Variants in IP6K2 observed in about 807,000 individuals in gnomAD.
The protein encoded by IP6K2 is ATP:1D-myo-inositol-hexakisphosphate phosphotransferase.
In IP6K2, 9 loss-of-function variants were observed where a neutral mutation model predicts 43.3. That is an observed-to-expected ratio of 0.21 (90% CI 0.13 to 0.36). The LOEUF (loss-of-function observed/expected upper bound fraction) is 0.36. IP6K2 is among the 10% of genes least tolerant of loss of function. The probability of loss-of-function intolerance (pLI) is 1.00; values close to 1 mark genes in which losing one functional copy is unlikely to be tolerated. For missense variants in IP6K2, 332 were observed against 538.4 expected (o/e 0.62, Z 3.79); for synonymous variants, 209 against 202.4 (o/e 1.03, Z -0.28).
chr3:48,704,866 A>G lies in IP6K2; in HGVS notation c.-130-9445T>C, dbSNP rs373410288. On this transcript the variant is annotated intron_variant, in intron 1 of 5. Transcript: ENST00000328631. ...CACCTCACGGCAACCTCTGCCTCCCAGGTTCAAGTGATTCTCATGCCTCAG... is the reference window on the plus strand; with the variant it reads ...CACCTCACGGCAACCTCTGCCTCCCGGGTTCAAGTGATTCTCATGCCTCAG... Among the ~76,000 whole-genome samples the G allele has an allele frequency of 1.3e-3, 200 of 151,700 alleles. 5 individuals are homozygous for G. The East Asian group carries it at 0.032, about 24-fold the overall frequency.
At chr3:48,694,691 T>G in intron 2 of IP6K2, 1 of 1,505,166 alleles carries the variant, frequency 6.6e-7, no homozygotes. Context: ...CTCCCCGGCC[T>G]ACCTAATTAC....
At chr3:48,714,847 C>CCAAA (rs2081015417) in intron 1 of IP6K2, among the ~76,000 whole-genome samples, 1 of 100,060 alleles carries the variant, frequency 1.0e-5, no homozygotes. Flanking sequence ...GACTCCGTCT[C>CCAAA]AAAAAAAAAA....
chr3:48,709,650 A>G lies in IP6K2; in HGVS notation c.-131+7507T>C, dbSNP rs541840956. ...TCAGGAGATCGAGACCATCCTGGCT[A>G]ACATGGTGAAACCCCGTCTCTACTA... On this transcript the variant is annotated intron_variant, in intron 1 of 5. Transcript: ENST00000328631. 5.3e-4 allele frequency among the ~76,000 whole-genome samples: 81 copies of G among 152,296 alleles called. 2 individuals are homozygous for G. The highest frequency in any genetic ancestry group is 2.9e-3 in the South Asian group (14 of 4,826).
chr3:48,694,909 T>C (rs1217651030), intron 2 of IP6K2, 181 bp downstream of exon 2: 8 of 1,544,174 alleles, frequency 5.2e-6, no homozygotes, highest in South Asian at 1.2e-5. Flanking sequence ...TTACCAGGGA[T>C]TGAAAACTGA....
At chr3:48,693,704 G>A in intron 2 of IP6K2, 1 of 1,067,658 alleles carries the variant, frequency 9.4e-7, no homozygotes, top group South Asian at 3.0e-5. Flanking sequence ...AAACCACACA[G>A]CACAAGACAC....
intron 1 of IP6K2, chr3:48,715,466 C>T (rs1381988643): frequency 6.5e-7 from 1 of 1,535,638 alleles, no homozygotes; most frequent in Non-Finnish European, 8.7e-7. Context: ...TTTCCTGGCA[C>T]ATTCCACTGC....
rs548584771 is a variant in IP6K2, at chr3:48,692,015, G to T, written c.429-533C>A. Among the ~76,000 whole-genome samples the T allele has an allele frequency of 1.6e-3, 242 of 152,000 alleles. 1 individual carries two copies. Among genetic ancestry groups the T allele is most frequent in the African/African-American group, 5.5e-3 (230 of 41,500 alleles). On this transcript the variant is annotated intron_variant, in intron 3 of 5. Transcript: ENST00000328631. ...ACCGGGCTAATTTTTGTATTTTTAG[G>T]AGAGACAGGGTTTCATCATATTGGT...
chr3:48,704,107 G>A (rs2079400063), intron 1 of IP6K2, among the ~76,000 whole-genome samples: 1 of 151,760 alleles, frequency 6.6e-6, no homozygotes, highest in East Asian at 1.9e-4. Context: ...GAAAAGAAAA[G>A]AAAAGAAAAA....
At chr3:48,696,179 A>C (rs547562275) in intron 1 of IP6K2, among the ~76,000 whole-genome samples, 1 of 152,020 alleles carries the variant, frequency 6.6e-6, no homozygotes, top group African/African-American at 2.4e-5. Context: ...GACCGCACCC[A>C]GCCCCATTAA....
chr3:48,694,902 C>T, intron 2 of IP6K2, 188 bp downstream of exon 2: 1 of 1,542,334 alleles, frequency 6.5e-7, no homozygotes, highest in Non-Finnish European at 8.7e-7. Context: ...AGCAATCTTA[C>T]CAGGGATTGA....
intron 1 of IP6K2, among the ~76,000 whole-genome samples, chr3:48,702,224 C>A (rs1385433367): frequency 6.6e-6 from 1 of 151,866 alleles, no homozygotes; most frequent in Non-Finnish European, 1.5e-5. Context: ...GAGCGAGACT[C>A]CATGTCAAAA....
At chr3:48,709,935 G>T (rs528695170) in intron 1 of IP6K2, among the ~76,000 whole-genome samples, 11 of 152,170 alleles carry the variant, frequency 7.2e-5, no homozygotes, top group Non-Finnish European at 1.5e-4. Flanking sequence ...CAGAAGTCCT[G>T]AGTTAGCTCT....
intron 1 of IP6K2, among the ~76,000 whole-genome samples, chr3:48,701,888 A>C (rs2079096397): frequency 6.6e-6 from 1 of 152,070 alleles, no homozygotes; most frequent in African/African-American, 2.4e-5. Context: ...ACAGAGCGAG[A>C]CTTCGTCTAA....
At chr3:48,691,036 C>T (rs1167612907) in intron 4 of IP6K2, among the ~76,000 whole-genome samples, 1 of 152,100 alleles carries the variant, frequency 6.6e-6, no homozygotes, top group Non-Finnish European at 1.5e-5. Flanking sequence ...CTAAAGCCCA[C>T]CTGATGCAAG....
intron 1 of IP6K2, among the ~76,000 whole-genome samples, chr3:48,712,625 G>A (rs930767480): frequency 6.6e-6 from 1 of 152,028 alleles, no homozygotes; most frequent in Non-Finnish European, 1.5e-5. Flanking sequence ...GAGGCAAGAG[G>A]ATCACTTATG....
chr3:48,715,276 T>G (rs1219891223), intron 1 of IP6K2: 3 of 1,535,752 alleles, frequency 2.0e-6, no homozygotes, highest in South Asian at 2.4e-5. Flanking sequence ...TCTTCCCCAG[T>G]GCATCCTCTT....
chr3:48,690,795 AAAAAAAAAG>A (rs2077707178), intron 4 of IP6K2, among the ~76,000 whole-genome samples: 2 of 151,126 alleles, frequency 1.3e-5, no homozygotes, highest in Non-Finnish European at 2.9e-5. Context: ...CTCAAAAAAA[AAAAAAAAAG>A]AAAAAAAAGA....
Position 48,693,092 on chromosome 3 carries a change from T to A in IP6K2, c.290A>T (p.Asp97Val). 1 of 1,614,214 alleles carries A rather than the reference T, an allele frequency of 6.2e-7. No homozygotes were observed. The highest frequency in any genetic ancestry group is 8.5e-7 in the Non-Finnish European group (1 of 1,179,996). The change falls in exon 3 of 6, where the codon GAC (aspartate) becomes GTC (valine). Residue 97 changes from aspartate (D) to valine (V), a missense_variant. Transcript: ENST00000328631. ...YPLKGDHGIVDIVDNSDCEPK... is the reference protein window; with the variant it reads ...YPLKGDHGIVVIVDNSDCEPK... The stretch of plus-strand genomic sequence containing the variant: ...TTCACAGTCTGAATTATCTACAATG[T>A]CCACAATTCCATGGTCCCCTTTCAA...
At position 48,688,764 on chromosome 3, in the gene IP6K2, C is replaced by A; in HGVS notation, c.790G>T (p.Ala264Ser). The A allele has an allele frequency of 6.2e-7, 1 of 1,608,598 alleles. No individual in the cohort carries two copies. The highest frequency in any genetic ancestry group is 8.5e-7 in the Non-Finnish European group (1 of 1,176,826). ...VRVCGMQVYQAGSGQLMFMNK... is the reference protein window; with the variant it reads ...VRVCGMQVYQSGSGQLMFMNK... ...ATGAACATGAGCTGCCCACTGCCTG[C>A]TTGGTACACCTGTAGGAGAGAGACC... is the stretch of plus-strand genomic sequence containing the variant. Residue 264 changes from alanine (A) to serine (S), a missense_variant, in exon 6 of 6, where the codon GCA becomes TCA. Physicochemically the swap from Ala to Ser is moderately conservative, Grantham distance 99. Coordinates refer to ENST00000328631, the MANE Select transcript of IP6K2 (RefSeq NM_016291.4). The surrounding 1 kb of genome is among the most constrained non-coding windows in gnomAD (Gnocchi z 5.1).
Sources: gnomAD v4.1 joint callset for allele counts (sites outside exome capture counted in the v4.1 genomes callset) on GRCh38, gnomAD v4.1.1 for gene constraint, Gnocchi (gnomAD v3.1) non-coding constraint, MANE v1.5 for transcripts, NCBI Gene and HGNC (gene_info 2026-07-23, HGNC 2026-07-21) for gene names.